Variants in PHACTR1 observed in about 807,000 individuals in gnomAD.
PHACTR1 encodes RPEL repeat containing 1.
In PHACTR1, 16 loss-of-function variants were observed where a neutral mutation model predicts 69.2. The observed-to-expected ratio is 0.23, with a 90% CI of 0.16 to 0.35. The LOEUF is 0.35. Among genes scored for constraint, PHACTR1 ranks in the 10% least tolerant of loss-of-function variants. PHACTR1 has a pLI of 1.00. For missense variants in PHACTR1, 510 were observed against 734.7 expected (o/e 0.69, Z 3.54); for synonymous variants, 312 against 284.5 (o/e 1.10, Z -0.97).
intron 4 of PHACTR1, among the ~76,000 whole-genome samples, chr6:12,806,412 T>A (rs961410442): frequency 6.6e-6 from 1 of 152,156 alleles, no homozygotes; most frequent in Non-Finnish European, 1.5e-5. Flanking sequence ...TCACTTCCCT[T>A]CCTTTTAGGT....
At chr6:13,180,012 A>T (rs991122860) in intron 6 of PHACTR1, among the ~76,000 whole-genome samples, 1 of 152,216 alleles carries the variant, frequency 6.6e-6, no homozygotes, top group African/African-American at 2.4e-5. Context: ...TCATAATAGC[A>T]TAAGTCTATC....
chr6:12,919,854 C>G (rs900803343), intron 4 of PHACTR1, among the ~76,000 whole-genome samples: 5 of 152,152 alleles, frequency 3.3e-5, no homozygotes, highest in South Asian at 4.1e-4. Context: ...AGCACTGTGC[C>G]TAGGACTCTA....
intron 4 of PHACTR1, among the ~76,000 whole-genome samples, chr6:12,850,379 T>C (rs1047124441): frequency 6.6e-6 from 1 of 152,232 alleles, no homozygotes; most frequent in Non-Finnish European, 1.5e-5. Flanking sequence ...TCACTCTTGC[T>C]CCAGGGAGCC....
chr6:13,001,709 G>T (rs1300560303), intron 4 of PHACTR1, among the ~76,000 whole-genome samples: 1 of 152,184 alleles, frequency 6.6e-6, no homozygotes, highest in Non-Finnish European at 1.5e-5. Flanking sequence ...CCCCACTTTG[G>T]GGAAGCACTG....
chr6:13,145,347 T>C (rs948549423), intron 5 of PHACTR1, among the ~76,000 whole-genome samples: 5 of 152,248 alleles, frequency 3.3e-5, no homozygotes, highest in African/African-American at 1.2e-4. Context: ...GTTTAATTTT[T>C]TCCTAAAGTA....
rs533353104 is a variant in PHACTR1, at chr6:13,053,039, T to G, written c.251-326T>G. ...GCCGGACCAGTAGTTACACTGACTC[T>G]CATTTGAATCTTCTGGTGGCCTCTC... On this transcript the variant is annotated intron_variant, in intron 4 of 14. Coordinates refer to ENST00000332995, the MANE Select transcript of PHACTR1 (RefSeq NM_030948.6). Among the ~76,000 whole-genome samples, 14 of 152,334 alleles carry G rather than the reference T, an allele frequency of 9.2e-5. No homozygotes were observed. The South Asian group carries it at 2.9e-3, about 32-fold the overall frequency.
chr6:13,065,265 A>G (rs1334852608), intron 5 of PHACTR1, among the ~76,000 whole-genome samples: 1 of 152,140 alleles, frequency 6.6e-6, no homozygotes, highest in Non-Finnish European at 1.5e-5. Context: ...AGCAAAGTCG[A>G]GGGTACAGTA....
intron 3 of PHACTR1, among the ~76,000 whole-genome samples, chr6:12,748,556 G>T (rs891759841): frequency 6.6e-6 from 1 of 152,170 alleles, no homozygotes; most frequent in Non-Finnish European, 1.5e-5. Flanking sequence ...TTCAGCAGGA[G>T]CATCAAACCA....
At chr6:12,910,504 G>A (rs1194357563) in intron 4 of PHACTR1, among the ~76,000 whole-genome samples, 1 of 152,136 alleles carries the variant, frequency 6.6e-6, no homozygotes, top group East Asian at 1.9e-4. Flanking sequence ...CTAGGAAAAT[G>A]TATTGCTAAG....
intron 4 of PHACTR1, among the ~76,000 whole-genome samples, chr6:12,763,038 A>G (rs530350702): frequency 4.1e-4 from 62 of 152,106 alleles, no homozygotes; most frequent in African/African-American, 1.5e-3. Flanking sequence ...ACGTGGAGAA[A>G]CCCCGTCTCT....
chr6:13,143,811 A>G (rs1822874285), intron 5 of PHACTR1, among the ~76,000 whole-genome samples: 3 of 152,072 alleles, frequency 2.0e-5, no homozygotes, highest in Admixed American at 2.0e-4. Context: ...AAATTTATAT[A>G]AAATATTAGG....
At chr6:13,170,279 A>C (rs181039765) in intron 6 of PHACTR1, among the ~76,000 whole-genome samples, 58 of 152,300 alleles carry the variant, frequency 3.8e-4, no homozygotes, top group Non-Finnish European at 6.0e-4. Context: ...AAATGTTTCC[A>C]TAAATTTAAG....
intron 4 of PHACTR1, among the ~76,000 whole-genome samples, chr6:12,991,942 C>CT (rs758565773): frequency 9.3e-4 from 134 of 144,534 alleles, no homozygotes; most frequent in Middle Eastern, 3.6e-3. Context: ...GTTTCTGTGT[C>CT]TTTTTTTTTT....
chr6:13,177,455 GTATATATA>G (rs540825034), intron 6 of PHACTR1, among the ~76,000 whole-genome samples: 1 of 149,096 alleles, frequency 6.7e-6, no homozygotes, highest in Non-Finnish European at 1.5e-5. Flanking sequence ...GTGTGTGTGT[GTATATATA>G]TATACATATC....
At chr6:12,853,146 A>C (rs1191663426) in intron 4 of PHACTR1, among the ~76,000 whole-genome samples, 1 of 152,242 alleles carries the variant, frequency 6.6e-6, no homozygotes, top group Non-Finnish European at 1.5e-5. Context: ...ATTAAGTACC[A>C]ACTGTCAAGA....
At chr6:13,182,486 T>G (rs79308302) in intron 6 of PHACTR1, 33 bp from the exon 7 acceptor site, 26,502 of 1,606,090 alleles carry the variant, frequency 0.017, 716 homozygotes, top group African/African-American at 0.11. Context: ...GCAGACATTG[T>G]CTAACTCTGC....
chr6:12,886,177 T>C (rs1643847731), intron 4 of PHACTR1, among the ~76,000 whole-genome samples: 1 of 152,054 alleles, frequency 6.6e-6, no homozygotes, highest in South Asian at 2.1e-4. Context: ...TATCTCAATA[T>C]ATTGGCTCAT....
chr6:12,734,209 G>A (rs866951671), intron 3 of PHACTR1, among the ~76,000 whole-genome samples: 11 of 152,222 alleles, frequency 7.2e-5, no homozygotes, highest in East Asian at 1.9e-4. Context: ...CAGTGAGAGC[G>A]TTTATTTTAT....
chr6:12,837,137 C>T (rs1185130029), intron 4 of PHACTR1, among the ~76,000 whole-genome samples: 1 of 152,116 alleles, frequency 6.6e-6, no homozygotes, highest in African/African-American at 2.4e-5. Flanking sequence ...GTGCAGCAAG[C>T]ACAAAAACCT....
Sources: gnomAD v4.1 joint callset for allele counts (sites outside exome capture counted in the v4.1 genomes callset) on GRCh38, gnomAD v4.1.1 for gene constraint, MANE v1.5 for transcripts, NCBI Gene and HGNC (gene_info 2026-07-23, HGNC 2026-07-21) for gene names.